MAF: variants seen among roughly 807,000 people sequenced by gnomAD.
MAF encodes the protein transcription factor Maf.
MAF carries 10 observed loss-of-function variants against 22.0 expected under a neutral mutation model. The observed-to-expected ratio is 0.45, with a 90% CI of 0.28 to 0.77. The LOEUF (loss-of-function observed/expected upper bound fraction) is 0.77. MAF is among the 30% of genes least tolerant of loss of function. The pLI is 0.12. For synonymous variants in MAF, 337 were observed against 255.8 expected (o/e 1.32, Z -3.03); for missense variants, 544 against 548.4 (o/e 0.99, Z 0.08).
At chr16:79,526,865 G>C in the MAF span, among the ~76,000 whole-genome samples, 1 of 152,178 alleles carries the variant, frequency 6.6e-6, no homozygotes, top group South Asian at 2.1e-4. Context: ...GATAATAGTA[G>C]AAGGTAGTAA....
At chr16:79,214,703 CTTTTTTTTTTT>C in the MAF span, among the ~76,000 whole-genome samples, 4 of 43,052 alleles carry the variant, frequency 9.3e-5, no homozygotes, top group African/African-American at 9.8e-5. Flanking sequence ...CTGTGCCTGG[CTTTTTTTTTTT>C]TTTTTTTTTT....
chr16:79,297,800 A>T, the MAF span, among the ~76,000 whole-genome samples: 1 of 152,142 alleles, frequency 6.6e-6, no homozygotes, highest in African/African-American at 2.4e-5. Context: ...ACTGGTGGGG[A>T]GAACATGGGT....
At chr16:79,542,759 C>T in the MAF span, among the ~76,000 whole-genome samples, 1 of 152,204 alleles carries the variant, frequency 6.6e-6, no homozygotes, top group African/African-American at 2.4e-5. Flanking sequence ...CATACCTCAA[C>T]CCCATAGCAA....
the MAF span, among the ~76,000 whole-genome samples, chr16:79,480,113 T>C: frequency 0.045 from 6,880 of 152,214 alleles, 547 homozygotes; most frequent in African/African-American, 0.15. Context: ...ACTCCTTGAC[T>C]GCTTTGCTTG....
At chr16:79,388,421 G>A in the MAF span, among the ~76,000 whole-genome samples, 3 of 152,148 alleles carry the variant, frequency 2.0e-5, no homozygotes, top group Non-Finnish European at 4.4e-5. Context: ...GATTCTTAGA[G>A]CAAATGTCCC....
At chr16:79,500,558 C>T in the MAF span, among the ~76,000 whole-genome samples, 2 of 152,128 alleles carry the variant, frequency 1.3e-5, no homozygotes, top group African/African-American at 2.4e-5. Flanking sequence ...CTTCACACCA[C>T]GGTAGAGATT....
At chr16:79,579,979 TG>T in the MAF span, among the ~76,000 whole-genome samples, 10 of 152,158 alleles carry the variant, frequency 6.6e-5, no homozygotes, top group African/African-American at 2.4e-4. Flanking sequence ...AGCGATGGCA[TG>T]TTTTTTTTAT....
the MAF span, among the ~76,000 whole-genome samples, chr16:79,239,061 C>A: frequency 4.9e-4 from 75 of 151,952 alleles, no homozygotes; most frequent in Non-Finnish European, 9.0e-4. Context: ...ATAGCCACTC[C>A]CACTGTTGTA....
At chr16:79,369,247 G>A in the MAF span, among the ~76,000 whole-genome samples, 1 of 152,134 alleles carries the variant, frequency 6.6e-6, no homozygotes, top group Non-Finnish European at 1.5e-5. Context: ...AATGATTTGG[G>A]AGCCTTCCCT....
the MAF span, among the ~76,000 whole-genome samples, chr16:79,550,876 C>G: frequency 6.6e-6 from 1 of 152,166 alleles, no homozygotes; most frequent in Non-Finnish European, 1.5e-5. Context: ...GCACAGATGG[C>G]TCACGAAATA....
chr16:79,329,277 G>A, the MAF span, among the ~76,000 whole-genome samples: 1 of 152,170 alleles, frequency 6.6e-6, no homozygotes, highest in Non-Finnish European at 1.5e-5. Context: ...CTGCCAGTGA[G>A]TGACTGAGAA....
chr16:79,559,326 C>T, the MAF span, among the ~76,000 whole-genome samples: 42 of 152,130 alleles, frequency 2.8e-4, no homozygotes, highest in Non-Finnish European at 4.9e-4. Flanking sequence ...ATTGCAAGAA[C>T]GAAAAGGCCC....
At chr16:79,242,273 G>A in the MAF span, among the ~76,000 whole-genome samples, 2 of 151,558 alleles carry the variant, frequency 1.3e-5, no homozygotes, top group African/African-American at 4.8e-5. Flanking sequence ...AGACCCATAG[G>A]TGTGTGGTAT....
At chr16:79,481,692 C>T in the MAF span, among the ~76,000 whole-genome samples, 2 of 152,060 alleles carry the variant, frequency 1.3e-5, no homozygotes, top group African/African-American at 2.4e-5. Context: ...ACCTATCCAC[C>T]CATTCAGCCA....
the MAF span, among the ~76,000 whole-genome samples, chr16:79,568,256 G>A: frequency 6.6e-6 from 1 of 152,208 alleles, no homozygotes; most frequent in African/African-American, 2.4e-5. Flanking sequence ...AGGGATGGGT[G>A]TCTGTGGATG....
At chr16:79,476,703 A>G in the MAF span, among the ~76,000 whole-genome samples, 1 of 152,164 alleles carries the variant, frequency 6.6e-6, no homozygotes, top group Non-Finnish European at 1.5e-5. Context: ...TTAGGGGGGA[A>G]GGCAGAGACA....
At chr16:79,233,470 G>A in the MAF span, among the ~76,000 whole-genome samples, 1 of 151,952 alleles carries the variant, frequency 6.6e-6, no homozygotes, top group African/African-American at 2.4e-5. Flanking sequence ...ATCTCCCAGA[G>A]CTATGCAACT....
the MAF span, among the ~76,000 whole-genome samples, chr16:79,323,050 T>C: frequency 7.1e-6 from 1 of 141,826 alleles, no homozygotes; most frequent in Non-Finnish European, 1.5e-5. Context: ...CTCGGGAGGC[T>C]GGGGCAGGAG....
At chr16:79,344,994 T>G in the MAF span, among the ~76,000 whole-genome samples, 1 of 152,190 alleles carries the variant, frequency 6.6e-6, no homozygotes, top group Non-Finnish European at 1.5e-5. Flanking sequence ...TCAGGGCAAG[T>G]TACTTTGCTT....
Sources: allele counts gnomAD v4.1 joint callset (sites outside exome capture counted in the v4.1 genomes callset), GRCh38; gene constraint gnomAD v4.1.1; transcripts MANE v1.5; gene names NCBI Gene and HGNC (gene_info 2026-07-23, HGNC 2026-07-21).